Variants in PCDHGA10 observed in about 807,000 individuals in gnomAD.
The protein encoded by PCDHGA10 is protocadherin gamma-A10.
Under a neutral mutation model 59.5 loss-of-function variants are expected in PCDHGA10, and 42 were observed. The ratio of observed to expected loss-of-function variants is 0.71; its 90% confidence interval spans 0.55 to 0.91. PCDHGA10 has a LOEUF of 0.91. PCDHGA10 is among the 40% of genes least tolerant of loss of function. PCDHGA10 has a pLI of 0.00. For missense variants in PCDHGA10, 1,111 were observed against 1,198.2 expected, an observed-to-expected ratio of 0.93 and a Z score of 1.07; for synonymous variants, 511 against 517.2, an observed-to-expected ratio of 0.99 and a Z score of 0.16.
intron 2 of PCDHGA10, among the ~76,000 whole-genome samples, chr5:141,503,611 A>AG (rs992110793): frequency 6.6e-6 from 1 of 151,948 alleles, no homozygotes; most frequent in Non-Finnish European, 1.5e-5. Flanking sequence ...AAAAAAAAAA[A>AG]AAAGAAAAAA....
chr5:141,504,130 C>T (rs1334901812), intron 2 of PCDHGA10, among the ~76,000 whole-genome samples: 1 of 152,154 alleles, frequency 6.6e-6, no homozygotes, highest in African/African-American at 2.4e-5. Flanking sequence ...TGTTTCCCGC[C>T]AACACTCCCC....
intron 1 of PCDHGA10, among the ~76,000 whole-genome samples, chr5:141,437,364 T>G (rs1026384836): frequency 6.6e-6 from 1 of 152,232 alleles, no homozygotes; most frequent in Non-Finnish European, 1.5e-5. Context: ...AAAATTGGAA[T>G]GTAATCAGTC....
chr5:141,436,781 A>C (rs1041532929), intron 1 of PCDHGA10, among the ~76,000 whole-genome samples: 1 of 152,236 alleles, frequency 6.6e-6, no homozygotes, highest in Admixed American at 6.5e-5. Flanking sequence ...TGTGGATGGA[A>C]ATAAAACTGT....
At chr5:141,429,542 A>G (rs1484411621) in intron 1 of PCDHGA10, among the ~76,000 whole-genome samples, 3 of 152,188 alleles carry the variant, frequency 2.0e-5, no homozygotes, top group African/African-American at 7.2e-5. Context: ...AAATAAGAAC[A>G]TGGTAATGAT....
chr5:141,417,572 G>T, intron 1 of PCDHGA10: 1 of 376,228 alleles, frequency 2.7e-6, no homozygotes, highest in East Asian at 4.1e-5. Flanking sequence ...AAGTCAAGTT[G>T]CAGTCCCACA....
Position 141,432,485 on chromosome 5 carries a change from G to C in PCDHGA10, c.2436+16874G>C. 6.2e-7 allele frequency: 1 copy of C among 1,614,186 alleles called. No individual in the cohort carries two copies. The highest frequency in any genetic ancestry group is 8.5e-7 in the Non-Finnish European group (1 of 1,180,040). On this transcript the variant is annotated intron_variant, in intron 1 of 3. Coordinates refer to ENST00000398610, the MANE Select transcript of PCDHGA10 (RefSeq NM_018913.3). The surrounding 1 kb of genome is among the most constrained non-coding windows in gnomAD (Gnocchi z 6.0). ...CCCCACGGACGGTTCCACTGGCGTG[G>C]AGCTGGCTCCCCGCTCCGCAGAGCC...
At position 141,491,904 on chromosome 5, in the gene PCDHGA10, G is replaced by C; in HGVS notation, c.2437-2903G>C. The C allele has an allele frequency of 7.0e-7, 1 of 1,423,838 alleles. No individual in the cohort carries two copies. The allele number at this position is 1,423,838 out of a possible 1,614,324, so 88.2% of individuals were successfully genotyped here. ...GGATGGGGCTCCGAGCACCGGGGGT[G>C]GTGGCGACTGTGGGCGAGGGGAGGT... On this transcript the variant is annotated intron_variant, in intron 1 of 3. Coordinates refer to ENST00000398610, the MANE Select transcript of PCDHGA10 (RefSeq NM_018913.3). This position sits in a 1 kb window ranked among gnomAD's most constrained non-coding sequence, Gnocchi z 6.9.
At position 141,491,725 on chromosome 5, in the gene PCDHGA10, G is replaced by A. The variant is rs1008933711; in HGVS notation, c.2437-3082G>A. The A allele has an allele frequency of 6.2e-7, 1 of 1,606,496 alleles. No homozygotes were observed. The highest frequency in any genetic ancestry group is 1.3e-5 in the African/African-American group (1 of 74,728). On this transcript the variant is annotated intron_variant, in intron 1 of 3. Coordinates refer to ENST00000398610, the MANE Select transcript of PCDHGA10 (RefSeq NM_018913.3). The surrounding 1 kb of genome is among the most constrained non-coding windows in gnomAD (Gnocchi z 6.9). ...GGTGAGGGGCTCGGCGCCGCCCCGGGCGACCCCTGGGGGCGGCACTGGAGA... is the reference window on the plus strand; with the variant it reads ...GGTGAGGGGCTCGGCGCCGCCCCGGACGACCCCTGGGGGCGGCACTGGAGA...
intron 1 of PCDHGA10, among the ~76,000 whole-genome samples, chr5:141,456,917 C>G (rs1005360691): frequency 2.6e-5 from 4 of 152,032 alleles, no homozygotes; most frequent in Non-Finnish European, 5.9e-5. Context: ...GAGCCGAGAT[C>G]GCACCACTGC....
Position 141,414,469 on chromosome 5 carries a change from G to T in PCDHGA10, c.1294G>T (p.Gly432Ter), listed in dbSNP as rs944183814. The change falls in exon 1 of 4, where the codon GGA becomes TGA. Residue 432 changes from glycine to a stop codon, truncating the protein, a stop_gained. Transcript: ENST00000398610. LOFTEE classifies it high-confidence loss of function. The part of the protein sequence containing the change: ...YNITVTATDG[G>*]SPPLSTEAHF... ...TATCACAGTGACAGCCACAGATGGG[G>T]GAAGTCCTCCTCTATCAACGGAAGC... The T allele has an allele frequency of 6.2e-7, 1 of 1,613,742 alleles. No individual in the cohort carries two copies. Among genetic ancestry groups the T allele is most frequent in the African/African-American group, 1.3e-5 (1 of 74,908 alleles).
At chr5:141,462,206 T>A (rs574863016) in intron 1 of PCDHGA10, among the ~76,000 whole-genome samples, 7 of 152,066 alleles carry the variant, frequency 4.6e-5, no homozygotes, top group African/African-American at 1.7e-4. Flanking sequence ...GTGATCCGCC[T>A]GCCTCGGCCT....
At position 141,498,660 on chromosome 5, in the gene PCDHGA10, G is replaced by A. The variant is rs969314533; in HGVS notation, c.2495+3795G>A. Among the ~76,000 whole-genome samples, 11 of 152,192 alleles carry A rather than the reference G, an allele frequency of 7.2e-5. No homozygotes were observed. In the East Asian group the frequency reaches 9.6e-4, roughly 13 times the overall value. ...GAAGGAAGAAGACCTGGCCAGGTGT[G>A]GTGGCTCACGCCTGTAATCCCAGCA... is the stretch of plus-strand genomic sequence containing the variant. On this transcript the variant is annotated intron_variant, in intron 2 of 3. Coordinates refer to ENST00000398610, the MANE Select transcript of PCDHGA10 (RefSeq NM_018913.3).
chr5:141,433,048 G>T (rs777523454), intron 1 of PCDHGA10: 20 of 1,614,142 alleles, frequency 1.2e-5, no homozygotes, highest in Non-Finnish European at 1.5e-5. Flanking sequence ...CCACGGACTC[G>T]CGGAAGAGTC....
At chr5:141,418,655 G>A in intron 1 of PCDHGA10, 5 of 1,614,002 alleles carry the variant, frequency 3.1e-6, no homozygotes, top group Non-Finnish European at 4.2e-6. Flanking sequence ...GAGAGTGAAG[G>A]CCACTGACCA....
At chr5:141,460,435 A>G (rs1002182353) in intron 1 of PCDHGA10, among the ~76,000 whole-genome samples, 1 of 152,144 alleles carries the variant, frequency 6.6e-6, no homozygotes, top group Admixed American at 6.6e-5. Context: ...GTATGGTGTG[A>G]GGTAACAATG....
chr5:141,477,719 T>C lies in PCDHGA10; in HGVS notation c.2437-17088T>C. 6.2e-7 allele frequency: 1 copy of C among 1,613,876 alleles called. No individual in the cohort carries two copies. Among genetic ancestry groups the C allele is most frequent in the Non-Finnish European group, 8.5e-7 (1 of 1,180,028 alleles). ...CTATGAGGATCGGCGGGAATTTGAA[T>C]TAACAGCTCATATCAGCGATGGGGG... On this transcript the variant is annotated intron_variant, in intron 1 of 3. Transcript: ENST00000398610. The surrounding 1 kb of genome is among the most constrained non-coding windows in gnomAD (Gnocchi z 4.9).
intron 1 of PCDHGA10, chr5:141,422,451 C>A: frequency 6.2e-7 from 1 of 1,611,518 alleles, no homozygotes; most frequent in East Asian, 2.2e-5. Context: ...TGATAACAAG[C>A]AGAGTGCTGG....
intron 1 of PCDHGA10, chr5:141,429,251 A>C (rs2097199889): frequency 6.6e-6 from 1 of 151,884 alleles, no homozygotes; most frequent in Non-Finnish European, 1.5e-5. Context: ...GAGATATTTT[A>C]ATTGAGGAAT....
chr5:141,423,506 T>C (rs1242003813), intron 1 of PCDHGA10: 1 of 1,613,808 alleles, frequency 6.2e-7, no homozygotes, highest in African/African-American at 1.3e-5. Context: ...GAGGTCTCTC[T>C]CATTGCGGAC....
Sources: allele counts gnomAD v4.1 joint callset (sites outside exome capture counted in the v4.1 genomes callset), GRCh38; gene constraint gnomAD v4.1.1; non-coding constraint Gnocchi (gnomAD v3.1); transcripts MANE v1.5; gene names NCBI Gene and HGNC (gene_info 2026-07-23, HGNC 2026-07-21).